The following RYR3 variants were observed in gnomAD, a reference collection of about 807,000 sequenced individuals.
RYR3 encodes the protein brain ryanodine receptor-calcium release channel.
RYR3 carries 207 observed loss-of-function variants against 584.3 expected under a neutral mutation model. The observed-to-expected ratio is 0.35, with a 90% CI of 0.32 to 0.40. The LOEUF (loss-of-function observed/expected upper bound fraction) is 0.40. Ranked by LOEUF, RYR3 falls within the 10% of genes least tolerant of loss-of-function variation. RYR3 has a pLI of 1.00. For synonymous variants in RYR3, 2,416 were observed against 2,248.5 expected (o/e 1.07, Z -2.11); for missense variants, 5,616 against 6,089.2 (o/e 0.92, Z 2.59).
chr15:33,725,774 A>G (rs1263698675), intron 45 of RYR3, among the ~76,000 whole-genome samples: 1 of 147,304 alleles, frequency 6.8e-6, no homozygotes, highest in Non-Finnish European at 1.5e-5. Context: ...GCTGGCTGAC[A>G]TGATGAAACC....
At chr15:33,375,679 T>C (rs1595891729) in intron 1 of RYR3, among the ~76,000 whole-genome samples, 1 of 152,336 alleles carries the variant, frequency 6.6e-6, no homozygotes, top group East Asian at 1.9e-4. Context: ...AAGTATAATT[T>C]TTACACAGTA....
At position 33,378,332 on chromosome 15, in the gene RYR3, C is replaced by T. The variant is rs77759628; in HGVS notation, c.51+67236C>T. 3.3e-5 allele frequency among the ~76,000 whole-genome samples: 5 copies of T among 152,298 alleles called. No homozygotes were observed. In the East Asian group the frequency reaches 7.7e-4, roughly 24 times the overall value. On this transcript the variant is annotated intron_variant, in intron 1 of 103. Coordinates refer to ENST00000634891, the MANE Select transcript of RYR3 (RefSeq NM_001036.6). Reference sequence around the variant, plus strand: ...TGAAACAGCTCCATGTCCCCTCTGCCTGTCCCAGCCTCCTATCATTTTAAA... The same window carrying T: ...TGAAACAGCTCCATGTCCCCTCTGCTTGTCCCAGCCTCCTATCATTTTAAA...
intron 2 of RYR3, among the ~76,000 whole-genome samples, chr15:33,482,641 A>T (rs1055925686): frequency 6.6e-6 from 1 of 152,048 alleles, no homozygotes; most frequent in Non-Finnish European, 1.5e-5. Flanking sequence ...CTGGTCTCGA[A>T]CTCCTGACGT....
At chr15:33,433,328 C>T (rs977854183) in intron 1 of RYR3, among the ~76,000 whole-genome samples, 2 of 152,102 alleles carry the variant, frequency 1.3e-5, no homozygotes, top group East Asian at 1.9e-4. Context: ...TTAGGCATGT[C>T]CCCCCAAATC....
At chr15:33,449,473 C>T (rs1363273512) in intron 1 of RYR3, among the ~76,000 whole-genome samples, 1 of 152,154 alleles carries the variant, frequency 6.6e-6, no homozygotes, top group Non-Finnish European at 1.5e-5. Flanking sequence ...GCAGGGATTG[C>T]ACAAGGGTGT....
At chr15:33,496,899 A>G (rs1315189693) in intron 2 of RYR3, among the ~76,000 whole-genome samples, 5 of 152,040 alleles carry the variant, frequency 3.3e-5, no homozygotes, top group Admixed American at 2.0e-4. Context: ...TCTCGTGTAC[A>G]GTAGATCTGT....
chr15:33,653,859 A>G (rs763609638), intron 32 of RYR3, among the ~76,000 whole-genome samples: 3 of 152,010 alleles, frequency 2.0e-5, no homozygotes. Flanking sequence ...TATCACATCC[A>G]CCTCTTGAAG....
chr15:33,470,274 T>C (rs1057131383), intron 1 of RYR3, among the ~76,000 whole-genome samples: 2 of 152,190 alleles, frequency 1.3e-5, no homozygotes, highest in African/African-American at 4.8e-5. Context: ...ATTTTGTTTC[T>C]CTTTCTTTTA....
chr15:33,706,559 C>T (rs1456272351), intron 42 of RYR3, among the ~76,000 whole-genome samples: 1 of 152,174 alleles, frequency 6.6e-6, no homozygotes, highest in Admixed American at 6.5e-5. Context: ...TAGCATGTAT[C>T]AAGATTCTGT....
intron 19 of RYR3, among the ~76,000 whole-genome samples, chr15:33,614,094 C>G (rs1194969169): frequency 1.3e-5 from 2 of 152,148 alleles, no homozygotes; most frequent in African/African-American, 4.8e-5. Flanking sequence ...CTAAAAAGCT[C>G]TGAAAACCAT....
Position 33,842,872 on chromosome 15 carries a change from G to A in RYR3, c.13210-616G>A, listed in dbSNP as rs780699172. On this transcript the variant is annotated intron_variant, in intron 91 of 103. Transcript: ENST00000634891. Reference sequence around the variant, plus strand: ...CACACAGCACTTCAAGGCAAGGCTCGAGTCCTCTGCTGGTGGCGTGTTTAG... The same window carrying A: ...CACACAGCACTTCAAGGCAAGGCTCAAGTCCTCTGCTGGTGGCGTGTTTAG... 2.6e-5 allele frequency among the ~76,000 whole-genome samples: 4 copies of A among 152,300 alleles called. No homozygotes were observed. In the South Asian group the frequency reaches 6.2e-4, roughly 24 times the overall value.
rs527291972 is a variant in RYR3, at chr15:33,818,427, C to G, written c.10600-151C>G. ...AACCTCGCACCTTTAGGGCTTCTAT[C>G]CTGAAATAAATACATGACGTAGTGG... On this transcript the variant is annotated intron_variant, in intron 75 of 103. Transcript: ENST00000634891. 1,122 of 603,606 alleles carry G rather than the reference C, an allele frequency of 1.9e-3. 12 individuals carry two copies. Among genetic ancestry groups the G allele is most frequent in the Non-Finnish European group, 5.4e-4 (182 of 339,418 alleles). The allele number at this position is 603,606 out of a possible 1,614,324, so 37.4% of individuals were successfully genotyped here.
At chr15:33,823,244 A>G (rs1326525451) in intron 81 of RYR3, among the ~76,000 whole-genome samples, 172 bp downstream of exon 81, 2 of 152,160 alleles carry the variant, frequency 1.3e-5, no homozygotes, top group African/African-American at 4.8e-5. Context: ...CAGGATGACA[A>G]TTCAGCTAAC....
At chr15:33,553,990 C>G (rs183921630) in intron 10 of RYR3, among the ~76,000 whole-genome samples, 3 of 152,176 alleles carry the variant, frequency 2.0e-5, no homozygotes, top group Non-Finnish European at 4.4e-5. Flanking sequence ...CTAACCACCA[C>G]CAAACTTGTG....
At chr15:33,806,824 G>A (rs918253127) in intron 69 of RYR3, among the ~76,000 whole-genome samples, 5 of 151,090 alleles carry the variant, frequency 3.3e-5, no homozygotes, top group African/African-American at 1.2e-4. Flanking sequence ...TGTGATCATA[G>A]CTCACTGCAG....
chr15:33,355,044 C>T (rs1973774498), intron 1 of RYR3, among the ~76,000 whole-genome samples: 1 of 152,050 alleles, frequency 6.6e-6, no homozygotes, highest in Middle Eastern at 3.4e-3. Context: ...ATTAGCCGGG[C>T]GTGGTGGTAC....
chr15:33,649,769 C>T (rs2062352740), intron 31 of RYR3, among the ~76,000 whole-genome samples: 1 of 152,188 alleles, frequency 6.6e-6, no homozygotes, highest in Non-Finnish European at 1.5e-5. Context: ...TCTAGGCATA[C>T]CCATACCCTC....
chr15:33,757,632 G>C (rs1264414775), intron 60 of RYR3, 36 bp downstream of exon 60: 5 of 1,596,372 alleles, frequency 3.1e-6, no homozygotes, highest in Non-Finnish European at 3.4e-6. Context: ...TGATGGTGCT[G>C]ATGCAATTTA....
intron 2 of RYR3, among the ~76,000 whole-genome samples, chr15:33,478,034 A>G (rs1264132177): frequency 6.6e-6 from 1 of 151,634 alleles, no homozygotes; most frequent in Non-Finnish European, 1.5e-5. Flanking sequence ...GGCACTAGGA[A>G]TTTAATACTT....
Sources: gnomAD v4.1 joint callset for allele counts (sites outside exome capture counted in the v4.1 genomes callset) on GRCh38, gnomAD v4.1.1 for gene constraint, MANE v1.5 for transcripts, NCBI Gene and HGNC (gene_info 2026-07-23, HGNC 2026-07-21) for gene names.